GTF2F2: variants seen among roughly 807,000 people sequenced by gnomAD.
GTF2F2 encodes ATP-dependent helicase GTF2F2.
GTF2F2 carries 23 observed loss-of-function variants against 42.2 expected under a neutral mutation model. The observed-to-expected ratio is 0.55, with a 90% CI of 0.39 to 0.77. GTF2F2 has a LOEUF of 0.77. Among genes scored for constraint, GTF2F2 ranks in the 30% least tolerant of loss-of-function variants. GTF2F2 has a pLI of 0.00. For synonymous variants in GTF2F2, 105 were observed against 100.8 expected (o/e 1.04, Z -0.25); for missense variants, 261 against 287.2 (o/e 0.91, Z 0.66).
chr13:45,135,211 C>G (rs1313782535), intron 1 of GTF2F2, among the ~76,000 whole-genome samples: 2 of 150,830 alleles, frequency 1.3e-5, no homozygotes, highest in Admixed American at 1.3e-4. Context: ...GCCTTGGCCT[C>G]CCAAAGTGCT....
intron 5 of GTF2F2, among the ~76,000 whole-genome samples, chr13:45,210,979 G>A (rs747510104): frequency 9.2e-5 from 14 of 152,218 alleles, no homozygotes; most frequent in Non-Finnish European, 1.8e-4. Context: ...GGAGATGAGA[G>A]TCTCTTTTGA....
At chr13:45,191,835 G>C (rs994529727) in intron 4 of GTF2F2, among the ~76,000 whole-genome samples, 1 of 151,998 alleles carries the variant, frequency 6.6e-6, no homozygotes, top group Admixed American at 6.5e-5. Context: ...ATTTTTAATG[G>C]TTTCTATCAA....
At chr13:45,212,479 C>CTTTCTT (rs1873711186) in intron 5 of GTF2F2, among the ~76,000 whole-genome samples, 1 of 111,712 alleles carries the variant, frequency 9.0e-6, no homozygotes, top group Admixed American at 8.7e-5. Context: ...TTCTTTCTTT[C>CTTTCTT]TTTCTTTCTT....
At chr13:45,233,286 A>G (rs1405532807) in intron 5 of GTF2F2, among the ~76,000 whole-genome samples, 1 of 152,196 alleles carries the variant, frequency 6.6e-6, no homozygotes, top group Admixed American at 6.5e-5. Flanking sequence ...ATAAGAATGA[A>G]TTAAATCCAT....
chr13:45,204,007 T>A (rs1456938434), intron 4 of GTF2F2, among the ~76,000 whole-genome samples: 4 of 152,208 alleles, frequency 2.6e-5, no homozygotes, highest in Non-Finnish European at 5.9e-5. Flanking sequence ...GGCTTTTTTT[T>A]ATTTTTTCAC....
intron 2 of GTF2F2, among the ~76,000 whole-genome samples, chr13:45,148,088 A>G (rs1034048868): frequency 4.6e-5 from 7 of 152,256 alleles, no homozygotes. Context: ...CATAGTGGAC[A>G]TATAGTAGAC....
At chr13:45,161,710 G>A (rs543547212) in intron 4 of GTF2F2, among the ~76,000 whole-genome samples, 145 of 152,284 alleles carry the variant, frequency 9.5e-4, no homozygotes, top group African/African-American at 3.3e-3. Context: ...AGCTGTGGTG[G>A]TGAGTGCCTG....
chr13:45,153,003 C>A (rs1343945687), intron 4 of GTF2F2, among the ~76,000 whole-genome samples: 2 of 149,204 alleles, frequency 1.3e-5, no homozygotes, highest in South Asian at 4.2e-4. Flanking sequence ...AAAGGAACAT[C>A]CTCGTAAATT....
At chr13:45,146,082 C>T (rs890862774) in intron 2 of GTF2F2, among the ~76,000 whole-genome samples, 10 of 152,164 alleles carry the variant, frequency 6.6e-5, no homozygotes, top group Non-Finnish European at 1.5e-4. Context: ...GTGGCATCCT[C>T]TTCACCCCAT....
intron 5 of GTF2F2, among the ~76,000 whole-genome samples, chr13:45,229,108 C>T (rs1874534704): frequency 6.6e-6 from 1 of 151,986 alleles, no homozygotes; most frequent in Non-Finnish European, 1.5e-5. Context: ...GTCTTGAACT[C>T]CTGACCTCAG....
At chr13:45,254,345 C>A (rs1566152366) in intron 6 of GTF2F2, among the ~76,000 whole-genome samples, 1 of 152,104 alleles carries the variant, frequency 6.6e-6, no homozygotes, top group Admixed American at 6.5e-5. Flanking sequence ...AGGTGTCTTG[C>A]AACATATCTC....
At chr13:45,186,025 A>G (rs1294348016) in intron 4 of GTF2F2, among the ~76,000 whole-genome samples, 1 of 151,888 alleles carries the variant, frequency 6.6e-6, no homozygotes, top group African/African-American at 2.4e-5. Context: ...CCCAGGCTGG[A>G]GTGCAGTGGC....
chr13:45,187,425 A>T (rs888687272), intron 4 of GTF2F2, among the ~76,000 whole-genome samples: 1 of 152,170 alleles, frequency 6.6e-6, no homozygotes. Flanking sequence ...AATATAGGTC[A>T]TTTATAACAA....
intron 5 of GTF2F2, among the ~76,000 whole-genome samples, chr13:45,218,745 G>A (rs1423043107): frequency 6.6e-6 from 1 of 152,120 alleles, no homozygotes; most frequent in African/African-American, 2.4e-5. Context: ...GAATTGATGG[G>A]GTGCCGAATG....
chr13:45,140,770 TA>T (rs1375530862), intron 2 of GTF2F2, among the ~76,000 whole-genome samples: 2 of 152,218 alleles, frequency 1.3e-5, no homozygotes, highest in African/African-American at 2.4e-5. Context: ...TATTAGGTTT[TA>T]CTGAAATGGG....
chr13:45,162,228 G>A (rs970449757), intron 4 of GTF2F2, among the ~76,000 whole-genome samples: 1 of 152,154 alleles, frequency 6.6e-6, no homozygotes, highest in Non-Finnish European at 1.5e-5. Context: ...GGTGACTCCA[G>A]CTTGTCTCTT....
Position 45,191,222 on chromosome 13 carries a change from A to T in GTF2F2, c.305-16202A>T, listed in dbSNP as rs866145104. Among the ~76,000 whole-genome samples the T allele has an allele frequency of 8.2e-3, 572 of 69,872 alleles. 5 individuals are homozygous for T. Among genetic ancestry groups the T allele is most frequent in the African/African-American group, 0.026 (243 of 9,248 alleles). The allele number at this position is 69,872 out of a possible 152,430, so 45.8% of individuals were successfully genotyped here. Reference sequence around the variant, plus strand: ...CCGTCTCTACTAAAAATACAAAAAAAAAATATATATATATATATATATATA... The same window carrying T: ...CCGTCTCTACTAAAAATACAAAAAATAAATATATATATATATATATATATA... On this transcript the variant is annotated intron_variant, in intron 4 of 7. Coordinates refer to ENST00000340473, the MANE Select transcript of GTF2F2 (RefSeq NM_004128.3).
At chr13:45,124,034 GC>G in intron 1 of GTF2F2, 2 of 1,133,960 alleles carry the variant, frequency 1.8e-6, no homozygotes, top group Non-Finnish European at 2.6e-6. Flanking sequence ...GGCCATGTGG[GC>G]CATGAGGTCC....
intron 4 of GTF2F2, among the ~76,000 whole-genome samples, chr13:45,156,552 G>C (rs1870764871): frequency 6.6e-6 from 1 of 152,148 alleles, no homozygotes; most frequent in Non-Finnish European, 1.5e-5. Context: ...TTGGTGCAAT[G>C]GGAGTGGAAA....
Sources: allele counts gnomAD v4.1 joint callset (sites outside exome capture counted in the v4.1 genomes callset), GRCh38; gene constraint gnomAD v4.1.1; transcripts MANE v1.5; gene names NCBI Gene and HGNC (gene_info 2026-07-23, HGNC 2026-07-21).